Variants in HAUS3 observed in about 807,000 individuals in gnomAD.
The protein encoded by HAUS3 is HAUS augmin like complex subunit 3.
In HAUS3, 36 loss-of-function variants were observed where a neutral mutation model predicts 55.2. The ratio of observed to expected loss-of-function variants is 0.65; its 90% CI spans 0.50 to 0.86. The LOEUF is 0.86. HAUS3 is among the 40% of genes least tolerant of loss of function. The pLI, the probability that HAUS3 is intolerant of heterozygous loss-of-function variation, is 0.00. For missense variants in HAUS3, 752 were observed against 671.5 expected, an observed-to-expected ratio of 1.12 and a Z score of -1.33; for synonymous variants, 234 against 238.6, an observed-to-expected ratio of 0.98 and a Z score of 0.18.
In HAUS3 at chr4:2,240,087, T is replaced by G; in HGVS notation, c.860A>C (p.Lys287Thr). The G allele has an allele frequency of 6.2e-7, 1 of 1,614,050 alleles. No individual in the cohort carries two copies. Among genetic ancestry groups the G allele is most frequent in the East Asian group, 2.2e-5 (1 of 44,876 alleles). The change falls in exon 3 of 6, where the codon AAG (lysine) becomes ACG (threonine). Residue 287 changes from lysine to threonine, a missense_variant. By Grantham distance (78) the Lys-to-Thr change is moderately conservative. Transcript: ENST00000443786. ...IHLKASNSSMKSSIKWAEESL... is the reference protein window; with the variant it reads ...IHLKASNSSMTSSIKWAEESL... Reference sequence around the variant, plus strand: ...CTCCTCTGCCCATTTTATACTTGACTTCATGCTCGAATTACTTGCTTTTAA... The same window carrying G: ...CTCCTCTGCCCATTTTATACTTGACGTCATGCTCGAATTACTTGCTTTTAA...
Position 2,240,311 on chromosome 4 carries a change from T to C in HAUS3, c.636A>G (p.Ala212=). 1 of 1,607,602 alleles carries C rather than the reference T, an allele frequency of 6.2e-7. No homozygotes were observed. The highest frequency in any genetic ancestry group is 1.1e-5 in the South Asian group (1 of 90,582). ...KYLSQEEQST[A]ALTLYTKKQF... is the part of the protein sequence containing the mutation. ...GTTTTTTGGTATACAAAGTTAATGCTGCTGTGCTTTGCTCTTCCTGACTTA... is the reference window on the plus strand; with the variant it reads ...GTTTTTTGGTATACAAAGTTAATGCCGCTGTGCTTTGCTCTTCCTGACTTA... Residue 212 remains alanine, a synonymous_variant, in exon 3 of 6, where the codon GCA becomes GCG. Transcript: ENST00000443786.
intron 5 of HAUS3, among the ~76,000 whole-genome samples, 197 bp from the exon 6 acceptor site, chr4:2,232,357 A>C (rs1734614968): frequency 1.3e-5 from 2 of 152,186 alleles, no homozygotes; most frequent in Admixed American, 6.5e-5. Flanking sequence ...ACAACTTCTG[A>C]TAGATAATTT....
rs891116277 is a variant in HAUS3, at chr4:2,240,793, C to A, written c.154G>T (p.Val52Leu). The part of the protein sequence containing the change: ...WFCGNVNEQN[V>L]LSERELEAFS... ...GCTTCCAATTCTCTTTCAGACAACA[C>A]GTTCTGTTCATTCACATTCCCACAA... The change falls in exon 3 of 6, where the codon GTG becomes TTG. Residue 52 changes from valine to leucine, a missense_variant. Coordinates refer to ENST00000443786, the MANE Select transcript of HAUS3 (RefSeq NM_001303143.2). The A allele has an allele frequency of 3.7e-6, 6 of 1,613,750 alleles. No homozygotes were observed. Among genetic ancestry groups the A allele is most frequent in the Non-Finnish European group, 5.1e-6 (6 of 1,179,990 alleles).
rs761050195 is a variant in HAUS3 at position 2,232,017 on chromosome 4, T to C, written c.1722A>G (p.Val574=). ...GATAATCTTCATCTTTTAAAAAATA[T>C]ACATAGAATTCTCTTTCCATTTGAT... ...KLHQMEREFY[V]YFLKDEDYLK... The change falls in exon 6 of 6, where the codon GTA becomes GTG. Residue 574 remains valine (V), a synonymous_variant. Coordinates refer to ENST00000443786, the MANE Select transcript of HAUS3 (RefSeq NM_001303143.2). 228 of 1,505,290 alleles carry C rather than the reference T, an allele frequency of 1.5e-4. 2 individuals are homozygous for C. The South Asian group carries it at 2.2e-3, about 14-fold the overall frequency. 93.2% of individuals were successfully genotyped at this position (1,505,290 alleles called of 1,614,324 possible). A position where few individuals can be genotyped will look rare whatever the true frequency, so the allele number is the denominator to read the frequency against.
intron 4 of HAUS3, among the ~76,000 whole-genome samples, chr4:2,237,987 A>C (rs1252452598): frequency 1.3e-5 from 2 of 152,198 alleles, no homozygotes; most frequent in Non-Finnish European, 2.9e-5. Flanking sequence ...AGGCAACCCT[A>C]TCCAGGCCCC....
At position 2,240,239 on chromosome 4, in the gene HAUS3, G is replaced by A. The variant is rs769486706; in HGVS notation, c.708C>T (p.Asp236=). 3 of 1,613,464 alleles carry A rather than the reference G, an allele frequency of 1.9e-6. No individual in the cohort carries two copies. The South Asian group carries it at 3.3e-5, about 18-fold the overall frequency. The change falls in exon 3 of 6, where the codon GAC becomes GAT. Residue 236 remains aspartate, a synonymous_variant. Transcript: ENST00000443786. ...TCTGTATATCTAAAAGTTGAAAATTGTCTTCATTTGAACTTTCAACTACTT... is the reference window on the plus strand; with the variant it reads ...TCTGTATATCTAAAAGTTGAAAATTATCTTCATTTGAACTTTCAACTACTT... ...IHEVVESSNE[D]NFQLLDIQTP...
intron 4 of HAUS3, among the ~76,000 whole-genome samples, chr4:2,236,744 T>C (rs1043999237): frequency 2.6e-5 from 4 of 151,700 alleles, no homozygotes; most frequent in African/African-American, 9.7e-5. Flanking sequence ...GCACCTATAG[T>C]CCCAGATACT....
intron 5 of HAUS3, chr4:2,234,514 A>C (rs1171435974): frequency 1.3e-5 from 2 of 153,796 alleles, no homozygotes; most frequent in Non-Finnish European, 2.9e-5. Flanking sequence ...GCTCCACCCC[A>C]CCTTTCCTCT....
At position 2,238,347 on chromosome 4, in the gene HAUS3, A is replaced by G. The variant is rs527332426; in HGVS notation, c.1349+257T>C. On this transcript the variant is annotated intron_variant, in intron 4 of 5. Transcript: ENST00000443786. ...ATATAAATAATGATGCCTAAAGGGG[A>G]ATAAACCCATTCATTCCTCCAACTC... is the stretch of plus-strand genomic sequence containing the variant. Among the ~76,000 whole-genome samples the G allele has an allele frequency of 1.1e-4, 17 of 152,294 alleles. No homozygotes were observed. In the East Asian group the frequency reaches 3.1e-3, roughly 28 times the overall value.
rs1734920393 is a variant in HAUS3, at chr4:2,240,161, C to G, written c.786G>C (p.Met262Ile). The G allele has an allele frequency of 6.2e-7, 1 of 1,613,970 alleles. No homozygotes were observed. Among genetic ancestry groups the G allele is most frequent in the Admixed American group, 1.7e-5 (1 of 60,030 alleles). ...AAATGTATGCGAGCTGCAGTCTAGC[C>G]ATCTCTAGTCGTCTCTCCTCAAGGA... ...QEILEERRLE[M>I]ARLQLAYICA... is the part of the protein sequence containing the mutation. Residue 262 changes from methionine (M) to isoleucine (I), a missense_variant, in exon 3 of 6, where the codon ATG becomes ATC. Met to Ile is a conservative substitution (Grantham distance 10, BLOSUM62 1). Coordinates refer to ENST00000443786, the MANE Select transcript of HAUS3 (RefSeq NM_001303143.2).
intron 4 of HAUS3, among the ~76,000 whole-genome samples, chr4:2,237,826 T>A (rs1023127247): frequency 1.3e-5 from 2 of 152,170 alleles, no homozygotes; most frequent in African/African-American, 2.4e-5. Context: ...CAGAATTTTT[T>A]AAATAGTTAT....
chr4:2,236,338 C>A lies in HAUS3; in HGVS notation c.1468G>T (p.Ala490Ser), dbSNP rs1258450753. The change falls in exon 5 of 6, where the codon GCA (alanine) becomes TCA (serine). Residue 490 changes from alanine (A) to serine (S), a missense_variant. Transcript: ENST00000443786. ...AAAGAATGTTCTTGAGCAGATACTGCCAACTGATCTTGTACTAAAGAAATA... is the reference window on the plus strand; with the variant it reads ...AAAGAATGTTCTTGAGCAGATACTGACAACTGATCTTGTACTAAAGAAATA... ...QNISLVQDQL[A>S]VSAQEHSFFL... is the part of the protein sequence containing the mutation. The A allele has an allele frequency of 6.2e-7, 1 of 1,612,930 alleles. No individual in the cohort carries two copies. The highest frequency in any genetic ancestry group is 8.5e-7 in the Non-Finnish European group (1 of 1,179,116).
Position 2,231,757 on chromosome 4 carries a change from G to A in HAUS3, c.*170C>T. The stretch of plus-strand genomic sequence containing the variant: ...CATGCTCAAGTCATAAAAAGCACTG[G>A]TATTCTGAATGTACTACATGAGAAA... On this transcript the variant is annotated 3_prime_UTR_variant, in exon 6 of 6. Coordinates refer to ENST00000443786, the MANE Select transcript of HAUS3 (RefSeq NM_001303143.2). 27 of 484,600 alleles carry A rather than the reference G, an allele frequency of 5.6e-5. No individual in the cohort carries two copies. 30.0% of individuals were successfully genotyped at this position (484,600 alleles called of 1,614,324 possible). A position where few individuals can be genotyped will look rare whatever the true frequency, so the allele number is the denominator to read the frequency against.
chr4:2,236,346 T>A lies in HAUS3; in HGVS notation c.1460A>T (p.Asp487Val). The change falls in exon 5 of 6, where the codon GAT (aspartate) becomes GTT (valine). Residue 487 changes from aspartate (D) to valine (V), a missense_variant. Transcript: ENST00000443786. ...KLKQNISLVQ[D>V]QLAVSAQEHS... is the part of the protein sequence containing the mutation. ...TTCTTGAGCAGATACTGCCAACTGA[T>A]CTTGTACTAAAGAAATATTCTGTTT... The A allele has an allele frequency of 6.2e-7, 1 of 1,613,074 alleles. No homozygotes were observed. Among genetic ancestry groups the A allele is most frequent in the Non-Finnish European group, 8.5e-7 (1 of 1,179,106 alleles).
intron 4 of HAUS3, among the ~76,000 whole-genome samples, chr4:2,237,428 C>T (rs1734806425): frequency 6.7e-6 from 1 of 150,104 alleles, no homozygotes; most frequent in African/African-American, 2.5e-5. Flanking sequence ...AGAGTGAGAC[C>T]TTGTCTTAAA....
At chr4:2,234,701 A>G (rs919194355) in intron 5 of HAUS3, among the ~76,000 whole-genome samples, 3 of 152,218 alleles carry the variant, frequency 2.0e-5, no homozygotes, top group Non-Finnish European at 4.4e-5. Flanking sequence ...GAATATTAAT[A>G]TTAGACAAAA....
At position 2,229,437 on chromosome 4, in the gene HAUS3, C is replaced by G; in HGVS notation, c.*2490G>C. On this transcript the variant is annotated 3_prime_UTR_variant, in exon 6 of 6. Transcript: ENST00000443786. ...AAAGCAAAATAGCTAGAGGCTTAAT[C>G]CAGGTATCATAGTAAATAGATAACT... 1 of 443,082 alleles carries G rather than the reference C, an allele frequency of 2.3e-6. No homozygotes were observed. 27.4% of individuals were successfully genotyped at this position (443,082 alleles called of 1,614,324 possible).
Position 2,240,069 on chromosome 4 carries a change from G to A in HAUS3, c.878C>T (p.Ala293Val), listed in dbSNP as rs1734915268. The A allele has an allele frequency of 1.2e-6, 2 of 1,613,606 alleles. No individual in the cohort carries two copies. Among genetic ancestry groups the A allele is most frequent in the African/African-American group, 2.7e-5 (2 of 74,890 alleles). The stretch of plus-strand genomic sequence containing the variant: ...GGTTAGGCTGTGAAGACTCTCCTCT[G>A]CCCATTTTATACTTGACTTCATGCT... ...NSSMKSSIKW[A>V]EESLHSLTSK... The change falls in exon 3 of 6, where the codon GCA becomes GTA. Residue 293 changes from alanine (A) to valine (V), a missense_variant. By Grantham distance (64) the Ala-to-Val change is moderately conservative. Coordinates refer to ENST00000443786, the MANE Select transcript of HAUS3 (RefSeq NM_001303143.2).
intron 4 of HAUS3, among the ~76,000 whole-genome samples, chr4:2,237,426 A>G (rs1463976541): frequency 6.6e-6 from 1 of 151,914 alleles, no homozygotes; most frequent in Admixed American, 6.6e-5. Flanking sequence ...AGAGAGTGAG[A>G]CCTTGTCTTA....
Sources: allele counts gnomAD v4.1 joint callset (sites outside exome capture counted in the v4.1 genomes callset), GRCh38; gene constraint gnomAD v4.1.1; transcripts MANE v1.5; gene names NCBI Gene and HGNC (gene_info 2026-07-23, HGNC 2026-07-21).